The following SOD3 variants were observed in gnomAD, a reference collection of about 807,000 sequenced individuals.
SOD3 encodes the protein superoxide dismutase 3, also known as extracellular superoxide dismutase [Cu-Zn].
In SOD3, 3 loss-of-function variants were observed where a neutral mutation model predicts 2.6. The observed-to-expected ratio is 1.13, with a 90% CI of 0.52 to 2.93. SOD3 has a LOEUF of 2.93. SOD3 is among the 30% of genes most tolerant of loss of function. The pLI is 0.04. For missense variants in SOD3, 379 were observed against 370.4 expected, an observed-to-expected ratio of 1.02 and a Z score of -0.19; for synonymous variants, 188 against 177.5, an observed-to-expected ratio of 1.06 and a Z score of -0.47.
intron 1 of SOD3, among the ~76,000 whole-genome samples, chr4:24,796,649 T>TG (rs1182819508): frequency 1.4e-5 from 2 of 143,388 alleles, no homozygotes; most frequent in African/African-American, 5.3e-5. Flanking sequence ...TTGCTAGAGA[T>TG]GGGGGTCTCT....
In SOD3 at chr4:24,800,065, G is replaced by C; in HGVS notation, c.544G>C (p.Ala182Pro). 1.4e-6 allele frequency: 2 copies of C among 1,445,838 alleles called. No individual in the cohort carries two copies. Among genetic ancestry groups the C allele is most frequent in the Admixed American group, 3.0e-5 (1 of 33,070 alleles). 89.6% of individuals were successfully genotyped at this position (1,445,838 alleles called of 1,614,324 possible). A position where few individuals can be genotyped will look rare whatever the true frequency, so the allele number is the denominator to read the frequency against. ...SIVGRAVVVHAGEDDLGRGGN... is the reference protein window; with the variant it reads ...SIVGRAVVVHPGEDDLGRGGN... Reference sequence around the variant, plus strand: ...CGTGGGCCGGGCCGTGGTCGTCCACGCTGGCGAGGACGACCTGGGCCGCGG... The same window carrying C: ...CGTGGGCCGGGCCGTGGTCGTCCACCCTGGCGAGGACGACCTGGGCCGCGG... Residue 182 changes from alanine to proline, a missense_variant, in exon 2 of 2, where the codon GCT becomes CCT. Ala to Pro is a conservative substitution (Grantham distance 27). Coordinates refer to ENST00000382120, the MANE Select transcript of SOD3 (RefSeq NM_003102.4).
chr4:24,800,255 C>T lies in SOD3; in HGVS notation c.*11C>T. The T allele has an allele frequency of 1.4e-6, 2 of 1,384,002 alleles. No individual in the cohort carries two copies. The highest frequency in any genetic ancestry group is 1.7e-5 in the South Asian group (1 of 58,206). The allele number at this position is 1,384,002 out of a possible 1,614,324, so 85.7% of individuals were successfully genotyped here. ...TGCAAGGCCGCCTGAGCGCGGCCCC[C>T]ACCCGGCGGCGGCCAGGGACCCCCG... On this transcript the variant is annotated 3_prime_UTR_variant, in exon 2 of 2. Coordinates refer to ENST00000382120, the MANE Select transcript of SOD3 (RefSeq NM_003102.4).
chr4:24,796,433 C>CTTT (rs1560188918), intron 1 of SOD3, among the ~76,000 whole-genome samples: 7 of 78,450 alleles, frequency 8.9e-5, no homozygotes, highest in South Asian at 5.9e-4. Flanking sequence ...CCTCCTTCTT[C>CTTT]TCTTTTTTTT....
chr4:24,799,760 G>C lies in SOD3; in HGVS notation c.239G>C (p.Gly80Ala). 1.3e-6 allele frequency: 2 copies of C among 1,566,100 alleles called. No homozygotes were observed. The highest frequency in any genetic ancestry group is 1.3e-5 in the African/African-American group (1 of 74,116). The change falls in exon 2 of 2, where the codon GGC becomes GCC. Residue 80 changes from glycine to alanine, a missense_variant. Physicochemically the swap from Gly to Ala is moderately conservative, Grantham distance 60. Coordinates refer to ENST00000382120, the MANE Select transcript of SOD3 (RefSeq NM_003102.4). ...GACGCCGCGCAGCCCCGGGTGACCG[G>C]CGTCGTCCTCTTCCGGCAGCTTGCG... ...TLDAAQPRVTGVVLFRQLAPR... is the reference protein window; with the variant it reads ...TLDAAQPRVTAVVLFRQLAPR...
At position 24,799,997 on chromosome 4, in the gene SOD3, A is replaced by T; in HGVS notation, c.476A>T (p.Tyr159Phe). The T allele has an allele frequency of 6.4e-7, 1 of 1,571,498 alleles. No homozygotes were observed. The highest frequency in any genetic ancestry group is 8.6e-7 in the Non-Finnish European group (1 of 1,167,634). ...FAVRDGSLWR[Y>F]RAGLAASLAG... ...GTCCGCGACGGCAGCCTCTGGAGGT[A>T]CCGCGCCGGCCTGGCCGCCTCGCTC... The change falls in exon 2 of 2, where the codon TAC becomes TTC. Residue 159 changes from tyrosine (Y) to phenylalanine (F), a missense_variant. Transcript: ENST00000382120.
In SOD3 at chr4:24,796,435, C is replaced by CTTTTT. The variant is rs34368349; in HGVS notation, c.-17+806_-17+810dup. Reference sequence around the variant, plus strand: ...TTTTCCTCCTCCTCCTCCTTCTTCTCTTTTTTTTTTTTTTTTTTTTTTTTT... The same window carrying CTTTTT: ...TTTTCCTCCTCCTCCTCCTTCTTCTCTTTTTTTTTTTTTTTTTTTTTTTTTTTTTT... On this transcript the variant is annotated intron_variant, in intron 1 of 1. Transcript: ENST00000382120. Among the ~76,000 whole-genome samples the CTTTTT allele has an allele frequency of 1.3e-3, 97 of 71,980 alleles. 8 individuals carry two copies. Among genetic ancestry groups the CTTTTT allele is most frequent in the African/African-American group, 4.0e-3 (61 of 15,426 alleles). 47.2% of individuals were successfully genotyped at this position (71,980 alleles called of 152,430 possible). A position where few individuals can be genotyped will look rare whatever the true frequency, so the allele number is the denominator to read the frequency against.
At chr4:24,799,372 G>T (rs1489024609) in intron 1 of SOD3, 134 bp from the exon 2 acceptor site, 8 of 1,018,092 alleles carry the variant, frequency 7.9e-6, no homozygotes, top group Non-Finnish European at 1.1e-5. Context: ...TTTGCCACAT[G>T]AAGTCATGCC....
chr4:24,795,797 G>C (rs1248198726), intron 1 of SOD3, 146 bp downstream of exon 1: 2 of 152,450 alleles, frequency 1.3e-5, no homozygotes, highest in Admixed American at 1.3e-4. Flanking sequence ...TGCTCTGAGG[G>C]GTTAGTGGGG....
intron 1 of SOD3, among the ~76,000 whole-genome samples, chr4:24,797,783 G>GT (rs999244705): frequency 1.1e-4 from 16 of 152,350 alleles, no homozygotes; most frequent in African/African-American, 3.8e-4. Flanking sequence ...CAATCTTGGA[G>GT]TTTTTTAAAT....
chr4:24,799,519 G>T lies in SOD3; in HGVS notation c.-3G>T. The T allele has an allele frequency of 6.3e-7, 1 of 1,598,442 alleles. No individual in the cohort carries two copies. On this transcript the variant is annotated 5_prime_UTR_variant, in exon 2 of 2. Coordinates refer to ENST00000382120, the MANE Select transcript of SOD3 (RefSeq NM_003102.4). ...GGCGTCCCGCAGGTGCCCGACTCCAGCCATGCTGGCGCTACTGTGTTCCTG... is the reference window on the plus strand; with the variant it reads ...GGCGTCCCGCAGGTGCCCGACTCCATCCATGCTGGCGCTACTGTGTTCCTG...
intron 1 of SOD3, among the ~76,000 whole-genome samples, chr4:24,796,140 T>C (rs17883045): frequency 0.017 from 2,529 of 152,292 alleles, 73 homozygotes; most frequent in African/African-American, 0.058. Flanking sequence ...AGGAAGGAGA[T>C]AAAGGCTTGG....
rs753849004 is a variant in SOD3, at chr4:24,799,512, G to A, written c.-10G>A. The A allele has an allele frequency of 8.8e-6, 14 of 1,597,252 alleles. No homozygotes were observed. The highest frequency in any genetic ancestry group is 2.2e-5 in the East Asian group (1 of 44,750). On this transcript the variant is annotated 5_prime_UTR_variant, in exon 2 of 2. Coordinates refer to ENST00000382120, the MANE Select transcript of SOD3 (RefSeq NM_003102.4). ...CCGCGGGGGCGTCCCGCAGGTGCCCGACTCCAGCCATGCTGGCGCTACTGT... is the reference window on the plus strand; with the variant it reads ...CCGCGGGGGCGTCCCGCAGGTGCCCAACTCCAGCCATGCTGGCGCTACTGT...
In SOD3 at chr4:24,799,736, A is replaced by G. The variant is rs1713779843; in HGVS notation, c.215A>G (p.Asp72Gly). The G allele has an allele frequency of 2.6e-6, 4 of 1,561,910 alleles. No individual in the cohort carries two copies. The highest frequency in any genetic ancestry group is 2.6e-6 in the Non-Finnish European group (3 of 1,159,390). Residue 72 changes from aspartate (D) to glycine (G), a missense_variant, in exon 2 of 2, where the codon GAC becomes GGC. Physicochemically the swap from Asp to Gly is moderately conservative, Grantham distance 94. Coordinates refer to ENST00000382120, the MANE Select transcript of SOD3 (RefSeq NM_003102.4). ...CAGGTGCAGCCGTCGGCCACGCTGG[A>G]CGCCGCGCAGCCCCGGGTGACCGGC... Reference protein sequence around the residue: ...ACQVQPSATLDAAQPRVTGVV... With the variant: ...ACQVQPSATLGAAQPRVTGVV...
chr4:24,797,038 T>C (rs1471844244), intron 1 of SOD3, among the ~76,000 whole-genome samples: 1 of 152,176 alleles, frequency 6.6e-6, no homozygotes, highest in Non-Finnish European at 1.5e-5. Flanking sequence ...CCATGTCATT[T>C]AGGTGAGTCC....
Position 24,799,532 on chromosome 4 carries a change from T to C in SOD3, c.11T>C (p.Leu4Pro), listed in dbSNP as rs771015875. Residue 4 changes from leucine to proline, a missense_variant, in exon 2 of 2, where the codon CTA (leucine) becomes CCA (proline). Physicochemically the swap from Leu to Pro is moderately conservative, Grantham distance 98. Coordinates refer to ENST00000382120, the MANE Select transcript of SOD3 (RefSeq NM_003102.4). MLA[L>P]LCSCLLLAAG... The stretch of plus-strand genomic sequence containing the variant: ...TGCCCGACTCCAGCCATGCTGGCGC[T>C]ACTGTGTTCCTGCCTGCTCCTGGCA... The C allele has an allele frequency of 2.1e-5, 33 of 1,599,692 alleles. No homozygotes were observed. Among genetic ancestry groups the C allele is most frequent in the Non-Finnish European group, 2.7e-5 (32 of 1,179,270 alleles).
Position 24,800,471 on chromosome 4 carries a change from G to T in SOD3, c.*227G>T. 2.5e-6 allele frequency: 1 copy of T among 399,928 alleles called. No homozygotes were observed. Among genetic ancestry groups the T allele is most frequent in the South Asian group, 1.3e-4 (1 of 7,878 alleles). The allele number at this position is 399,928 out of a possible 1,614,324, so 24.8% of individuals were successfully genotyped here. A position where few individuals can be genotyped will look rare whatever the true frequency, so the allele number is the denominator to read the frequency against. ...GAGCCCCCCACTCAGTAGGTCTGAAGGCCTCCATTTGTACCGAAACACCCC... is the reference window on the plus strand; with the variant it reads ...GAGCCCCCCACTCAGTAGGTCTGAATGCCTCCATTTGTACCGAAACACCCC... On this transcript the variant is annotated 3_prime_UTR_variant, in exon 2 of 2. Coordinates refer to ENST00000382120, the MANE Select transcript of SOD3 (RefSeq NM_003102.4).
At position 24,799,810 on chromosome 4, in the gene SOD3, T is replaced by A; in HGVS notation, c.289T>A (p.Phe97Ile). 6.3e-7 allele frequency: 1 copy of A among 1,597,120 alleles called. No homozygotes were observed. The stretch of plus-strand genomic sequence containing the variant: ...GCCCCGCGCCAAGCTCGACGCCTTC[T>A]TCGCCCTGGAGGGCTTCCCGACCGA... ...LAPRAKLDAFFALEGFPTEPN... is the reference protein window; with the variant it reads ...LAPRAKLDAFIALEGFPTEPN... Residue 97 changes from phenylalanine (F) to isoleucine (I), a missense_variant, in exon 2 of 2, where the codon TTC becomes ATC. By Grantham distance (21) the Phe-to-Ile change is conservative. Transcript: ENST00000382120.
Position 24,796,469 on chromosome 4 carries a change from G to A in SOD3, c.-17+818G>A, listed in dbSNP as rs1393985951. ...TTTTTTTTTTTTTTTTTTGAGACAT[G>A]GTCTCATTCTGTCACCCAGCACCCA... On this transcript the variant is annotated intron_variant, in intron 1 of 1. Transcript: ENST00000382120. Among the ~76,000 whole-genome samples, 6 of 82,032 alleles carry A rather than the reference G, an allele frequency of 7.3e-5. No homozygotes were observed. The South Asian group carries it at 2.9e-3, about 39-fold the overall frequency. 53.8% of individuals were successfully genotyped at this position (82,032 alleles called of 152,430 possible).
In SOD3 at chr4:24,800,205, C is replaced by G; in HGVS notation, c.684C>G (p.Arg228=). ...WERQAREHSE[R]KKRRRESECK... is the part of the protein sequence containing the mutation. ...GCCAGGCGCGGGAGCACTCAGAGCG[C>G]AAGAAGCGGCGGCGCGAGAGCGAGT... Residue 228 remains arginine (R), a synonymous_variant, in exon 2 of 2, where the codon CGC becomes CGG. Transcript: ENST00000382120. 1 of 1,433,526 alleles carries G rather than the reference C, an allele frequency of 7.0e-7. No individual in the cohort carries two copies. The highest frequency in any genetic ancestry group is 1.5e-5 in the African/African-American group (1 of 66,922). The allele number at this position is 1,433,526 out of a possible 1,614,324, so 88.8% of individuals were successfully genotyped here. A position where few individuals can be genotyped will look rare whatever the true frequency, so the allele number is the denominator to read the frequency against.
Sources: gnomAD v4.1 joint callset for allele counts (sites outside exome capture counted in the v4.1 genomes callset) on GRCh38, gnomAD v4.1.1 for gene constraint, MANE v1.5 for transcripts, NCBI Gene and HGNC (gene_info 2026-07-23, HGNC 2026-07-21) for gene names.